Variants in DEPDC5 observed in about 807,000 individuals in gnomAD.
DEPDC5 encodes GATOR1 complex protein DEPDC5.
Under a neutral mutation model 217.3 loss-of-function variants are expected in DEPDC5, and 73 were observed. The ratio of observed to expected loss-of-function variants is 0.34; its 90% CI spans 0.28 to 0.41. The LOEUF (loss-of-function observed/expected upper bound fraction) is 0.41, where lower values mean the gene tolerates loss of function less well. Among genes scored for constraint, DEPDC5 ranks in the 10% least tolerant of loss-of-function variants. The probability of loss-of-function intolerance (pLI) is 1.00; values close to 1 mark genes in which losing one functional copy is unlikely to be tolerated. For missense variants in DEPDC5, 1,675 were observed against 2,070.1 expected, an observed-to-expected ratio of 0.81 and a Z score of 3.70; for synonymous variants, 733 against 756.7, an observed-to-expected ratio of 0.97 and a Z score of 0.51.
chr22:31,905,823 G>A (rs2093747956), intron 41 of DEPDC5, among the ~76,000 whole-genome samples, 161 bp from the exon 42 acceptor site: 1 of 152,050 alleles, frequency 6.6e-6, no homozygotes, highest in Non-Finnish European at 1.5e-5. Flanking sequence ...AAAGTGGTGA[G>A]GGTGAGGACA....
intron 31 of DEPDC5, among the ~76,000 whole-genome samples, chr22:31,851,456 TA>T (rs774836326): frequency 2.0e-5 from 3 of 152,196 alleles, no homozygotes; most frequent in Non-Finnish European, 4.4e-5. Flanking sequence ...ACCTCACAGC[TA>T]GATCAGGTTC....
At chr22:31,832,890 G>C (rs143086407) in intron 24 of DEPDC5, among the ~76,000 whole-genome samples, 18 of 152,146 alleles carry the variant, frequency 1.2e-4, no homozygotes, top group African/African-American at 4.3e-4. Context: ...GCTTTCACAA[G>C]AAATTTATAA....
chr22:31,759,713 C>T (rs1310597050), intron 3 of DEPDC5, among the ~76,000 whole-genome samples: 1 of 134,894 alleles, frequency 7.4e-6, no homozygotes, highest in Non-Finnish European at 1.5e-5. Flanking sequence ...GACAGAGTCT[C>T]GCTCTGTCAC....
At chr22:31,889,120 C>A (rs1263866796) in intron 38 of DEPDC5, among the ~76,000 whole-genome samples, 1 of 152,176 alleles carries the variant, frequency 6.6e-6, no homozygotes, top group Non-Finnish European at 1.5e-5. Context: ...TTACTGATAA[C>A]CCCCTAGCTA....
At chr22:31,814,884 T>A (rs1370130111) in intron 20 of DEPDC5, 108 bp from the exon 21 acceptor site, 2 of 1,214,004 alleles carry the variant, frequency 1.6e-6, no homozygotes, top group Non-Finnish European at 2.4e-6. Flanking sequence ...ACTGGGGATT[T>A]TTGTTATTGG....
At position 31,905,185 on chromosome 22, in the gene DEPDC5, C is replaced by CT. The variant is rs202180896; in HGVS notation, c.4437-790dup. On this transcript the variant is annotated intron_variant, in intron 41 of 42. Transcript: ENST00000651528. The stretch of plus-strand genomic sequence containing the variant: ...CAGAGAGCCCCAGCTTGGCGTTCCT[C>CT]TTTTTTTTTCTTTTTGAGATGGAGT... 1.3e-4 allele frequency among the ~76,000 whole-genome samples: 20 copies of CT among 151,426 alleles called. No individual in the cohort carries two copies. The South Asian group carries it at 3.4e-3, about 25-fold the overall frequency.
chr22:31,783,916 C>A lies in DEPDC5; in HGVS notation c.493C>A (p.Arg165Ser). Residue 165 changes from arginine to serine, a missense_variant, in exon 9 of 43, where the codon CGT becomes AGT. Physicochemically the swap from Arg to Ser is moderately radical, Grantham distance 110 (BLOSUM62 -1). Coordinates refer to ENST00000651528, the MANE Select transcript of DEPDC5 (RefSeq NM_001242896.3). Reference sequence around the variant, plus strand: ...TGTGTTTTTATTTCAGGTGGTGTTTCGTTCTACGTCGGCTATGGTTTACAT... The same window carrying A: ...TGTGTTTTTATTTCAGGTGGTGTTTAGTTCTACGTCGGCTATGGTTTACAT... ...YISEDTRVVFRSTSAMVYIFI... is the reference protein window; with the variant it reads ...YISEDTRVVFSSTSAMVYIFI... 1 of 1,612,302 alleles carries A rather than the reference C, an allele frequency of 6.2e-7. No homozygotes were observed. The highest frequency in any genetic ancestry group is 8.5e-7 in the Non-Finnish European group (1 of 1,179,392).
chr22:31,804,093 A>G, intron 15 of DEPDC5, 69 bp from the exon 16 acceptor site: 1 of 1,500,236 alleles, frequency 6.7e-7, no homozygotes, highest in Non-Finnish European at 9.3e-7. Context: ...AAATAACATG[A>G]TTTATAGATA....
At chr22:31,851,894 A>T (rs1249959874) in intron 31 of DEPDC5, among the ~76,000 whole-genome samples, 1 of 152,164 alleles carries the variant, frequency 6.6e-6, no homozygotes, top group Non-Finnish European at 1.5e-5. Flanking sequence ...TGAAAGTTTT[A>T]AAAATTCTAT....
chr22:31,778,062 G>C (rs2084056969), intron 7 of DEPDC5, 37 bp from the exon 8 acceptor site: 1 of 1,611,440 alleles, frequency 6.2e-7, no homozygotes, highest in South Asian at 1.1e-5. Flanking sequence ...TTGGTTTCAT[G>C]TAAGACTTGT....
chr22:31,794,896 AAAC>A (rs1024398369), intron 12 of DEPDC5, among the ~76,000 whole-genome samples: 18 of 152,212 alleles, frequency 1.2e-4, no homozygotes, highest in South Asian at 4.1e-4. Context: ...AAAAAAAACA[AAAC>A]AACAACAACA....
At position 31,754,946 on chromosome 22, in the gene DEPDC5, C is replaced by T. The variant is rs2075192115; in HGVS notation, c.25C>T (p.Leu9Phe). 6.2e-7 allele frequency: 1 copy of T among 1,614,082 alleles called. No individual in the cohort carries two copies. Residue 9 changes from leucine (L) to phenylalanine (F), a missense_variant, in exon 2 of 43, where the codon CTC becomes TTC. Around this residue, in one of 11 missense-constraint regions of DEPDC5, gnomAD observed 628 missense variants for 762.1 expected, o/e 0.82. Coordinates refer to ENST00000651528, the MANE Select transcript of DEPDC5 (RefSeq NM_001242896.3). MRTTKVYK[L>F]VIHKKGFGGS... ...GATGAGAACAACAAAGGTCTACAAACTCGTCATCCACAAGAAGGGCTTTGG... is the reference window on the plus strand; with the variant it reads ...GATGAGAACAACAAAGGTCTACAAATTCGTCATCCACAAGAAGGGCTTTGG...
At chr22:31,809,684 A>G (rs955020871) in intron 19 of DEPDC5, 37 bp downstream of exon 19, 17 of 1,611,280 alleles carry the variant, frequency 1.1e-5, no homozygotes, top group Non-Finnish European at 1.4e-5. Flanking sequence ...TTGCTTTTAA[A>G]AAGAGAGTCA....
chr22:31,800,450 T>G (rs2086750676), intron 14 of DEPDC5, among the ~76,000 whole-genome samples: 1 of 152,080 alleles, frequency 6.6e-6, no homozygotes, highest in Non-Finnish European at 1.5e-5. Context: ...ATTGGATGGT[T>G]GTAATGACCA....
Position 31,854,170 on chromosome 22 carries a change from T to C in DEPDC5, c.3156-3275T>C, listed in dbSNP as rs531951394. ...ACACATATGCATTGTACCTGGTGGT[T>C]TTGTGGCAGTCCCCTCTTCCTGAGC... On this transcript the variant is annotated intron_variant, in intron 31 of 42. Transcript: ENST00000651528. 1.4e-4 allele frequency among the ~76,000 whole-genome samples: 21 copies of C among 152,280 alleles called. No individual in the cohort carries two copies. The South Asian group carries it at 4.3e-3, about 32-fold the overall frequency.
At chr22:31,798,785 C>G (rs1267896877) in intron 14 of DEPDC5, 129 bp downstream of exon 14, 1 of 801,416 alleles carries the variant, frequency 1.2e-6, no homozygotes, top group Non-Finnish European at 1.9e-6. Context: ...CAGGACCAGT[C>G]CACAGAATAA....
chr22:31,833,705 C>A, intron 24 of DEPDC5: 1 of 389,720 alleles, frequency 2.6e-6, no homozygotes, highest in East Asian at 3.7e-5. Flanking sequence ...TACCAGTAAC[C>A]TCAGAGTAAA....
At chr22:31,892,799 A>G (rs1028063013) in intron 38 of DEPDC5, among the ~76,000 whole-genome samples, 2 of 151,552 alleles carry the variant, frequency 1.3e-5, no homozygotes, top group African/African-American at 4.9e-5. Context: ...GGTACAATCC[A>G]TAAACCTACA....
At chr22:31,895,274 G>A (rs1377056491) in intron 39 of DEPDC5, among the ~76,000 whole-genome samples, 1 of 151,906 alleles carries the variant, frequency 6.6e-6, no homozygotes, top group Non-Finnish European at 1.5e-5. Flanking sequence ...CCACAACAAA[G>A]AATAACCAGC....
Sources: gnomAD v4.1 joint callset for allele counts (sites outside exome capture counted in the v4.1 genomes callset) on GRCh38, gnomAD v4.1.1 for gene constraint, gnomAD v4.1.1 regional missense constraint, MANE v1.5 for transcripts, NCBI Gene and HGNC (gene_info 2026-07-23, HGNC 2026-07-21) for gene names.